Variants in LRRC37A2 observed in about 807,000 individuals in gnomAD.
LRRC37A2 encodes the protein leucine rich repeat containing 37 member A2, also known as leucine-rich repeat-containing protein 37A2.
LRRC37A2 carries 9 observed loss-of-function variants against 68.8 expected under a neutral mutation model. The observed-to-expected ratio is 0.13, with a 90% CI of 0.08 to 0.23. The LOEUF is 0.23. LRRC37A2 is among the 10% of genes least tolerant of loss of function. LRRC37A2 has a pLI of 1.00. For synonymous variants in LRRC37A2, 63 were observed against 367.6 expected (o/e 0.17, Z 9.48); for missense variants, 168 against 950.4 (o/e 0.18, Z 10.82).
At chr17:46,610,063 C>G in the LRRC37A2 span, among the ~76,000 whole-genome samples, 1 of 130,844 alleles carries the variant, frequency 7.6e-6, no homozygotes, top group South Asian at 2.3e-4. Context: ...TTCTTTCTTT[C>G]TTTCCTTTCT....
the LRRC37A2 span, among the ~76,000 whole-genome samples, chr17:46,994,315 G>A: frequency 6.6e-6 from 1 of 151,650 alleles, no homozygotes; most frequent in African/African-American, 2.4e-5. Flanking sequence ...AGCCCCGGAG[G>A]CGAACGTTGT....
At chr17:46,931,422 AC>A in the LRRC37A2 span, 1 of 583,916 alleles carries the variant, frequency 1.7e-6, no homozygotes, top group Non-Finnish European at 3.0e-6. Flanking sequence ...AAACCTTGTG[AC>A]CCCTTACCTC....
At chr17:46,534,784 G>A (rs549918735) in intron 6 of LRRC37A2, among the ~76,000 whole-genome samples, 3 of 149,034 alleles carry the variant, frequency 2.0e-5, no homozygotes, top group South Asian at 4.2e-4. Context: ...GGGCAGAGGC[G>A]CCCCCCCACC....
chr17:46,921,946 C>T, the LRRC37A2 span, among the ~76,000 whole-genome samples: 1 of 152,140 alleles, frequency 6.6e-6, no homozygotes, highest in Non-Finnish European at 1.5e-5. Flanking sequence ...GGATCTAGAA[C>T]TAGAAATACC....
the LRRC37A2 span, among the ~76,000 whole-genome samples, chr17:46,741,454 G>T: frequency 6.6e-6 from 1 of 152,142 alleles, no homozygotes; most frequent in Non-Finnish European, 1.5e-5. Flanking sequence ...CATGAGGATG[G>T]TTACAAAGAA....
the LRRC37A2 span, among the ~76,000 whole-genome samples, chr17:46,980,765 G>A: frequency 5.9e-5 from 9 of 151,812 alleles, no homozygotes; most frequent in South Asian, 1.9e-3. Context: ...CCCGGGAGGT[G>A]AAGCTTGCAG....
chr17:46,466,918 T>C, the LRRC37A2 span, among the ~76,000 whole-genome samples: 109 of 102,144 alleles, frequency 1.1e-3, 23 homozygotes, highest in African/African-American at 2.2e-3. Flanking sequence ...CATCTACAAC[T>C]ATCTGATCTT....
intron 6 of LRRC37A2, among the ~76,000 whole-genome samples, chr17:46,530,399 T>C (rs1285180239): frequency 6.9e-6 from 1 of 144,992 alleles, no homozygotes; most frequent in Non-Finnish European, 1.5e-5. Context: ...ATCATCTTAT[T>C]GAATATTAGT....
the LRRC37A2 span, among the ~76,000 whole-genome samples, chr17:46,918,205 G>A: frequency 1.3e-5 from 2 of 152,130 alleles, no homozygotes; most frequent in African/African-American, 4.8e-5. Context: ...TCAGCCTCCC[G>A]AGTAGCTGGG....
the LRRC37A2 span, among the ~76,000 whole-genome samples, chr17:46,822,035 A>AC: frequency 1.7e-4 from 26 of 152,310 alleles, no homozygotes; most frequent in Admixed American, 7.8e-4. Context: ...AGCCGGACCA[A>AC]CCTGGGGGGG....
chr17:46,746,068 C>T, the LRRC37A2 span, among the ~76,000 whole-genome samples: 3 of 152,274 alleles, frequency 2.0e-5, no homozygotes, highest in South Asian at 2.1e-4. Context: ...CATCCTTGTG[C>T]GTAATACCTC....
chr17:47,033,382 C>T, the LRRC37A2 span: 5 of 698,828 alleles, frequency 7.2e-6, no homozygotes, highest in Non-Finnish European at 7.8e-6. Flanking sequence ...GCTCACGAAC[C>T]TATGTAGGTG....
At chr17:46,954,175 C>T in the LRRC37A2 span, among the ~76,000 whole-genome samples, 2 of 152,186 alleles carry the variant, frequency 1.3e-5, no homozygotes, top group East Asian at 1.9e-4. Context: ...TTAGGTCTAA[C>T]ATGTAAGTCT....
At chr17:46,733,521 A>G in the LRRC37A2 span, among the ~76,000 whole-genome samples, 2 of 152,188 alleles carry the variant, frequency 1.3e-5, no homozygotes, top group African/African-American at 2.4e-5. Context: ...CCTCATCTGT[A>G]TGTAACAGGG....
At chr17:46,437,887 G>A in the LRRC37A2 span, among the ~76,000 whole-genome samples, 1 of 100,902 alleles carries the variant, frequency 9.9e-6, no homozygotes, top group African/African-American at 3.1e-5. Context: ...CCACATTGAA[G>A]GTTATTAGTG....
At chr17:46,978,607 C>T in the LRRC37A2 span, 3 of 1,545,066 alleles carry the variant, frequency 1.9e-6, no homozygotes, top group African/African-American at 2.8e-5. Flanking sequence ...CGGGGTCCTT[C>T]TTGCAGCAGC....
chr17:46,713,552 G>A, the LRRC37A2 span, among the ~76,000 whole-genome samples: 3 of 152,076 alleles, frequency 2.0e-5, no homozygotes, highest in African/African-American at 2.4e-5. Context: ...ATTTGAATGC[G>A]TTCTTTTAAG....
the LRRC37A2 span, among the ~76,000 whole-genome samples, chr17:46,889,674 T>C: frequency 6.6e-6 from 1 of 152,132 alleles, no homozygotes; most frequent in Non-Finnish European, 1.5e-5. Flanking sequence ...CACATAGCCC[T>C]CCCTCACCCT....
the LRRC37A2 span, chr17:46,876,627 C>T: frequency 1.9e-6 from 3 of 1,610,482 alleles, no homozygotes; most frequent in East Asian, 2.2e-5. Flanking sequence ...CGCCTGGTGG[C>T]CTTCTCCTGC....
Sources: gnomAD v4.1 joint callset for allele counts (sites outside exome capture counted in the v4.1 genomes callset) on GRCh38, gnomAD v4.1.1 for gene constraint, MANE v1.5 for transcripts, NCBI Gene and HGNC (gene_info 2026-07-23, HGNC 2026-07-21) for gene names.